Variants in KIAA1671 observed in about 807,000 individuals in gnomAD.
KIAA1671 encodes the protein KIAA1671.
A neutral mutation model predicts 131.2 loss-of-function variants in KIAA1671; 52 were observed. That is an observed-to-expected ratio of 0.40 (90% confidence interval 0.32 to 0.50). The LOEUF (loss-of-function observed/expected upper bound fraction) is 0.50, where lower values mean the gene tolerates loss of function less well. KIAA1671 is among the 20% of genes least tolerant of loss of function. KIAA1671 has a pLI of 0.73. For missense variants in KIAA1671, 2,360 were observed against 2,364.2 expected (o/e 1.00, Z 0.04); for synonymous variants, 1,003 against 961.6 (o/e 1.04, Z -0.80).
chr22:24,958,723 C>A (rs935113415), intron 1 of KIAA1671, among the ~76,000 whole-genome samples: 1 of 151,164 alleles, frequency 6.6e-6, no homozygotes. Context: ...GTAATTCCAG[C>A]ACTTTCGGAG....
Position 25,028,245 on chromosome 22 carries a change from G to T in KIAA1671, c.246G>T (p.Pro82=). ...SKEQDVKSPV[P]SLRPSSTGPS... ...AGCAGGACGTGAAATCTCCTGTCCC[G>T]TCTCTGCGGCCCAGTTCGACTGGAC... Residue 82 remains proline, a synonymous_variant, in exon 3 of 13, where the codon CCG becomes CCT. Coordinates refer to ENST00000358431, the MANE Select transcript of KIAA1671 (RefSeq NM_001145206.2). The T allele has an allele frequency of 6.4e-7, 1 of 1,551,584 alleles. No individual in the cohort carries two copies. Among genetic ancestry groups the T allele is most frequent in the African/African-American group, 1.4e-5 (1 of 73,176 alleles).
rs907671692 is a variant in KIAA1671, at chr22:24,965,033, T to A, written c.-208+12261T>A. Among the ~76,000 whole-genome samples the A allele has an allele frequency of 4.8e-4, 73 of 152,080 alleles. 1 individual carries two copies. Among genetic ancestry groups the A allele is most frequent in the African/African-American group, 1.6e-3 (65 of 41,490 alleles). On this transcript the variant is annotated intron_variant, in intron 1 of 12. Coordinates refer to ENST00000358431, the MANE Select transcript of KIAA1671 (RefSeq NM_001145206.2). ...TGCAGAAAGAAGATGACAAAATTTCTTCCATGAGGTCATTGTAAGATTAGA... is the reference window on the plus strand; with the variant it reads ...TGCAGAAAGAAGATGACAAAATTTCATCCATGAGGTCATTGTAAGATTAGA...
intron 1 of KIAA1671, among the ~76,000 whole-genome samples, chr22:24,970,470 T>G (rs1197500761): frequency 1.3e-5 from 2 of 152,128 alleles, no homozygotes; most frequent in Non-Finnish European, 1.5e-5. Context: ...CAATACATTA[T>G]ACAACCTGGG....
At chr22:24,995,295 G>GCCC (rs1274803600) in intron 1 of KIAA1671, among the ~76,000 whole-genome samples, 1 of 150,884 alleles carries the variant, frequency 6.6e-6, no homozygotes, top group Non-Finnish European at 1.5e-5. Flanking sequence ...CTCGTGATCT[G>GCCC]CCCACCTTGG....
chr22:25,036,441 T>C (rs1926601752), intron 4 of KIAA1671, among the ~76,000 whole-genome samples: 1 of 152,126 alleles, frequency 6.6e-6, no homozygotes, highest in Non-Finnish European at 1.5e-5. Flanking sequence ...TTTTAACTAT[T>C]TTTAAAGAAA....
chr22:24,991,890 G>A (rs938450043), intron 1 of KIAA1671, among the ~76,000 whole-genome samples: 1 of 152,090 alleles, frequency 6.6e-6, no homozygotes, highest in Non-Finnish European at 1.5e-5. Context: ...TAAGCGTGGC[G>A]TGTGTGCTTG....
chr22:25,047,105 G>A (rs1927281004), intron 5 of KIAA1671, among the ~76,000 whole-genome samples: 1 of 151,152 alleles, frequency 6.6e-6, no homozygotes, highest in African/African-American at 2.4e-5. Context: ...CAAGCAGCTG[G>A]GACTACAAGC....
chr22:25,043,887 T>C (rs1927078207), intron 5 of KIAA1671, among the ~76,000 whole-genome samples: 1 of 152,168 alleles, frequency 6.6e-6, no homozygotes, highest in Admixed American at 6.5e-5. Context: ...CCTTTGCCAC[T>C]TGCAGCTGAG....
intron 6 of KIAA1671, among the ~76,000 whole-genome samples, chr22:25,093,940 A>G (rs1191014213): frequency 7.0e-6 from 1 of 142,944 alleles, no homozygotes; most frequent in Non-Finnish European, 1.5e-5. Flanking sequence ...GTTTGCAGGC[A>G]CTTTGCCAGC....
At chr22:25,042,360 A>G (rs960544426) in intron 5 of KIAA1671, among the ~76,000 whole-genome samples, 4 of 152,084 alleles carry the variant, frequency 2.6e-5, no homozygotes, top group Admixed American at 1.3e-4. Flanking sequence ...CATGCTTGAC[A>G]TACTGTGAAT....
chr22:24,970,563 G>T (rs370883720), intron 1 of KIAA1671, among the ~76,000 whole-genome samples: 2 of 151,928 alleles, frequency 1.3e-5, no homozygotes, highest in Non-Finnish European at 2.9e-5. Context: ...TCATGTAAAG[G>T]CTCCTAGCAC....
At chr22:25,179,335 C>T (rs1934175089) in intron 9 of KIAA1671, 30 of 1,593,204 alleles carry the variant, frequency 1.9e-5, no homozygotes, top group Non-Finnish European at 2.6e-5. Context: ...TCTCGCTGCT[C>T]CTTGTTCCTG....
chr22:25,120,776 T>C lies in KIAA1671; in HGVS notation c.4531-50044T>C, dbSNP rs186818683. Among the ~76,000 whole-genome samples, 14 of 152,320 alleles carry C rather than the reference T, an allele frequency of 9.2e-5. No individual in the cohort carries two copies. The East Asian group carries it at 2.3e-3, about 25-fold the overall frequency. On this transcript the variant is annotated intron_variant, in intron 6 of 12. Coordinates refer to ENST00000358431, the MANE Select transcript of KIAA1671 (RefSeq NM_001145206.2). ...TTCTCTTTATATCCTTTAAAAAATGTGAAAGTTTTGTATGTCTTTATGACA... is the reference window on the plus strand; with the variant it reads ...TTCTCTTTATATCCTTTAAAAAATGCGAAAGTTTTGTATGTCTTTATGACA...
intron 6 of KIAA1671, among the ~76,000 whole-genome samples, chr22:25,161,915 A>C (rs1933456875): frequency 6.6e-6 from 1 of 151,982 alleles, no homozygotes. Flanking sequence ...CCCCTCTATA[A>C]AATGGTTATT....
chr22:25,106,847 CA>C (rs1489990262), intron 6 of KIAA1671, among the ~76,000 whole-genome samples: 1 of 152,220 alleles, frequency 6.6e-6, no homozygotes, highest in Admixed American at 6.5e-5. Flanking sequence ...CTGCACTGAG[CA>C]AGTCCCTTTT....
At chr22:25,007,281 A>G (rs964323173) in intron 1 of KIAA1671, among the ~76,000 whole-genome samples, 1 of 151,902 alleles carries the variant, frequency 6.6e-6, no homozygotes, top group Non-Finnish European at 1.5e-5. Flanking sequence ...AGGTCAAGAG[A>G]TCGAGACCAT....
intron 6 of KIAA1671, among the ~76,000 whole-genome samples, chr22:25,132,474 G>C (rs1394093919): frequency 6.6e-6 from 1 of 152,316 alleles, no homozygotes; most frequent in Non-Finnish European, 1.5e-5. Context: ...CCTCCTGAGC[G>C]ACCCGGGGGC....
At chr22:24,976,164 C>T (rs928097409) in intron 1 of KIAA1671, among the ~76,000 whole-genome samples, 2 of 152,238 alleles carry the variant, frequency 1.3e-5, no homozygotes, top group African/African-American at 4.8e-5. Flanking sequence ...GAGCCGGGCA[C>T]ATCCCCCTGG....
intron 1 of KIAA1671, among the ~76,000 whole-genome samples, chr22:24,974,525 C>T (rs1369824947): frequency 6.6e-6 from 1 of 151,972 alleles, no homozygotes; most frequent in Non-Finnish European, 1.5e-5. Flanking sequence ...GCATGAGCTC[C>T]GTGTTTAAAC....
Sources: gnomAD v4.1 joint callset for allele counts (sites outside exome capture counted in the v4.1 genomes callset) on GRCh38, gnomAD v4.1.1 for gene constraint, MANE v1.5 for transcripts, NCBI Gene and HGNC (gene_info 2026-07-23, HGNC 2026-07-21) for gene names.